KCNIP4: variants seen among roughly 807,000 people sequenced by gnomAD.
The protein encoded by KCNIP4 is potassium voltage-gated channel interacting protein 4.
In KCNIP4, 12 loss-of-function variants were observed where a neutral mutation model predicts 34.0. That is an observed-to-expected ratio of 0.35 (90% confidence interval 0.23 to 0.57). The LOEUF is 0.57. Among genes scored for constraint, KCNIP4 ranks in the 20% least tolerant of loss-of-function variants. The pLI is 0.83. For missense variants in KCNIP4, 238 were observed against 311.7 expected, an observed-to-expected ratio of 0.76 and a Z score of 1.78; for synonymous variants, 124 against 102.2, an observed-to-expected ratio of 1.21 and a Z score of -1.29.
At chr4:21,692,043 G>T (rs545030094) in intron 1 of KCNIP4, among the ~76,000 whole-genome samples, 2 of 151,976 alleles carry the variant, frequency 1.3e-5, no homozygotes. Context: ...TTTAGACCTC[G>T]TGAAACATGT....
At chr4:21,413,678 T>C (rs1213001372) in intron 1 of KCNIP4, among the ~76,000 whole-genome samples, 1 of 152,092 alleles carries the variant, frequency 6.6e-6, no homozygotes, top group African/African-American at 2.4e-5. Context: ...ATCCCTAGAG[T>C]GTTACACATT....
chr4:21,463,256 A>T lies in KCNIP4; in HGVS notation c.61+485315T>A, dbSNP rs558439915. Among the ~76,000 whole-genome samples, 4 of 152,170 alleles carry T rather than the reference A, an allele frequency of 2.6e-5. No individual in the cohort carries two copies. In the East Asian group the frequency reaches 7.7e-4, roughly 29 times the overall value. ...TCATTGTGTTTTGATTTGCATTTCC[A>T]TGATGATTAGTGATGTTAAATATTT... On this transcript the variant is annotated intron_variant, in intron 1 of 8. Transcript: ENST00000382152.
At chr4:21,130,403 C>A (rs1360041892) in intron 1 of KCNIP4, among the ~76,000 whole-genome samples, 1 of 152,142 alleles carries the variant, frequency 6.6e-6, no homozygotes, top group East Asian at 1.9e-4. Flanking sequence ...TAATTCCTAG[C>A]CATTCTTCAA....
At chr4:21,403,335 T>C (rs1335067856) in intron 1 of KCNIP4, among the ~76,000 whole-genome samples, 1 of 152,210 alleles carries the variant, frequency 6.6e-6, no homozygotes, top group African/African-American at 2.4e-5. Context: ...CTATAACCAA[T>C]TTCCACTGCT....
chr4:21,129,732 T>C (rs1750915636), intron 1 of KCNIP4, among the ~76,000 whole-genome samples: 1 of 152,146 alleles, frequency 6.6e-6, no homozygotes, highest in African/African-American at 2.4e-5. Context: ...CACTTTATAA[T>C]ATAGATAGAC....
chr4:20,802,174 CTATATATATGCTATATATATGCTA>C (rs1714353433), intron 3 of KCNIP4, among the ~76,000 whole-genome samples: 8 of 121,126 alleles, frequency 6.6e-5, no homozygotes, highest in African/African-American at 2.2e-4. Flanking sequence ...GCTATATATG[CTATATATATGCTATATATATGCTA>C]TATATATATG....
At chr4:21,324,023 T>A (rs1009151015) in intron 1 of KCNIP4, among the ~76,000 whole-genome samples, 9 of 152,024 alleles carry the variant, frequency 5.9e-5, no homozygotes, top group African/African-American at 1.9e-4. Flanking sequence ...TTTTCATATA[T>A]CTGTTTGGCA....
chr4:21,769,189 C>T (rs962841489), intron 1 of KCNIP4, among the ~76,000 whole-genome samples: 1 of 152,042 alleles, frequency 6.6e-6, no homozygotes, highest in Non-Finnish European at 1.5e-5. Context: ...AAAAAAACTA[C>T]TCCAATCATA....
At position 21,925,084 on chromosome 4, in the gene KCNIP4, T is replaced by A. The variant is rs111820710; in HGVS notation, c.61+23487A>T. ...ATGTCATTTCATTTTTTTCTTTTTT[T>A]TATTTTATTATTATTATACTTTAAG... On this transcript the variant is annotated intron_variant, in intron 1 of 8. Transcript: ENST00000382152. Among the ~76,000 whole-genome samples the A allele has an allele frequency of 9.7e-3, 1,481 of 152,282 alleles. 8 individuals are homozygous for A. Among genetic ancestry groups the A allele is most frequent in the South Asian group, 0.021 (100 of 4,824 alleles).
At chr4:21,467,961 C>T (rs1448388508) in intron 1 of KCNIP4, among the ~76,000 whole-genome samples, 1 of 152,144 alleles carries the variant, frequency 6.6e-6, no homozygotes, top group African/African-American at 2.4e-5. Context: ...CACCAGCAAA[C>T]CCTGAGAGAT....
chr4:21,699,746 G>A (rs893820815), intron 1 of KCNIP4, among the ~76,000 whole-genome samples: 11 of 152,100 alleles, frequency 7.2e-5, no homozygotes, highest in African/African-American at 2.4e-4. Flanking sequence ...CGGGGCTACA[G>A]TATGTGAAGC....
chr4:20,766,974 C>T (rs897324553), intron 3 of KCNIP4: 1 of 152,120 alleles, frequency 6.6e-6, no homozygotes, highest in African/African-American at 2.4e-5. Context: ...CAGAGAGCTG[C>T]TATAAGAATG....
chr4:21,191,090 C>T (rs1329968584), intron 1 of KCNIP4, among the ~76,000 whole-genome samples: 1 of 152,108 alleles, frequency 6.6e-6, no homozygotes, highest in African/African-American at 2.4e-5. Context: ...TTCAATTTGT[C>T]ATTTATTACA....
chr4:21,704,487 T>C (rs1034574122), intron 1 of KCNIP4, among the ~76,000 whole-genome samples: 1 of 152,234 alleles, frequency 6.6e-6, no homozygotes, highest in Non-Finnish European at 1.5e-5. Context: ...ATCTAGAGTA[T>C]ATAAAGACTT....
chr4:21,312,377 G>A (rs1713280173), intron 1 of KCNIP4, among the ~76,000 whole-genome samples: 1 of 152,146 alleles, frequency 6.6e-6, no homozygotes, highest in Non-Finnish European at 1.5e-5. Context: ...GTCTTAGGTA[G>A]AGACCCTGGA....
At chr4:21,426,502 A>G (rs1451430195) in intron 1 of KCNIP4, among the ~76,000 whole-genome samples, 1 of 152,246 alleles carries the variant, frequency 6.6e-6, no homozygotes. Flanking sequence ...AAGGAGAAAA[A>G]TGTATAACAA....
At chr4:20,892,001 AT>A (rs1291733136) in intron 1 of KCNIP4, among the ~76,000 whole-genome samples, 1 of 152,170 alleles carries the variant, frequency 6.6e-6, no homozygotes, top group Non-Finnish European at 1.5e-5. Context: ...GCTGGTAATA[AT>A]TCTTGCAGAA....
At chr4:21,165,762 G>A (rs1378379486) in intron 1 of KCNIP4, among the ~76,000 whole-genome samples, 1 of 152,190 alleles carries the variant, frequency 6.6e-6, no homozygotes, top group East Asian at 1.9e-4. Flanking sequence ...TAATATGGGG[G>A]AGGGAGTGGT....
intron 1 of KCNIP4, among the ~76,000 whole-genome samples, chr4:20,917,543 T>A (rs1442874126): frequency 6.6e-6 from 1 of 152,154 alleles, no homozygotes; most frequent in African/African-American, 2.4e-5. Flanking sequence ...TTCACATTAA[T>A]CATTCCATAA....
Sources: gnomAD v4.1 joint callset for allele counts (sites outside exome capture counted in the v4.1 genomes callset) on GRCh38, gnomAD v4.1.1 for gene constraint, MANE v1.5 for transcripts, NCBI Gene and HGNC (gene_info 2026-07-23, HGNC 2026-07-21) for gene names.